DNMBP: variants seen among roughly 807,000 people sequenced by gnomAD.
DNMBP encodes dynamin-binding protein.
In DNMBP, 87 loss-of-function variants were observed where a neutral mutation model predicts 150.0. The ratio of observed to expected loss-of-function variants is 0.58; its 90% CI spans 0.49 to 0.69. The LOEUF (loss-of-function observed/expected upper bound fraction) is 0.69, where lower values mean the gene tolerates loss of function less well. DNMBP is among the 30% of genes least tolerant of loss of function. The pLI is 0.00. For synonymous variants in DNMBP, 711 were observed against 750.4 expected, an observed-to-expected ratio of 0.95 and a Z score of 0.86; for missense variants, 1,774 against 1,949.0, an observed-to-expected ratio of 0.91 and a Z score of 1.69.
At chr10:99,961,590 C>T (rs554862060) in intron 3 of DNMBP, among the ~76,000 whole-genome samples, 12 of 151,508 alleles carry the variant, frequency 7.9e-5, no homozygotes, top group Non-Finnish European at 1.5e-4. Flanking sequence ...CTCTATGCTA[C>T]GACCCTGGTC....
chr10:99,998,332 C>A (rs1363053067), intron 1 of DNMBP, among the ~76,000 whole-genome samples: 1 of 151,752 alleles, frequency 6.6e-6, no homozygotes, highest in Non-Finnish European at 1.5e-5. Flanking sequence ...AATCCCAACA[C>A]TTTGGGAGGC....
At chr10:99,975,497 T>C (rs72840123) in intron 1 of DNMBP, among the ~76,000 whole-genome samples, 2 of 152,176 alleles carry the variant, frequency 1.3e-5, no homozygotes, top group Non-Finnish European at 2.9e-5. Flanking sequence ...ACCTATTTAA[T>C]TTGTACTGTC....
At chr10:99,965,459 G>A (rs1380502691) in intron 3 of DNMBP, among the ~76,000 whole-genome samples, 1 of 151,430 alleles carries the variant, frequency 6.6e-6, no homozygotes, top group Non-Finnish European at 1.5e-5. Context: ...AAAGGCACGT[G>A]GTAAAACACA....
intron 1 of DNMBP, among the ~76,000 whole-genome samples, chr10:99,997,891 G>GCAC (rs2040965427): frequency 8.1e-6 from 1 of 123,662 alleles, no homozygotes; most frequent in Non-Finnish European, 1.6e-5. Flanking sequence ...TCACGCCACT[G>GCAC]CACTCTAGCC....
At chr10:99,918,079 T>C (rs2039986279) in intron 4 of DNMBP, among the ~76,000 whole-genome samples, 1 of 151,924 alleles carries the variant, frequency 6.6e-6, no homozygotes, top group African/African-American at 2.4e-5. Flanking sequence ...AGAAGCAGTC[T>C]TTCTGCAGCA....
chr10:99,880,464 A>T, intron 15 of DNMBP, 103 bp from the exon 16 acceptor site: 1 of 1,391,718 alleles, frequency 7.2e-7, no homozygotes, highest in Non-Finnish European at 9.4e-7. Flanking sequence ...ATTCATCTGT[A>T]AAATGAAGAG....
At chr10:99,904,130 C>T (rs2039787297) in intron 6 of DNMBP, among the ~76,000 whole-genome samples, 1 of 152,008 alleles carries the variant, frequency 6.6e-6, no homozygotes, top group Non-Finnish European at 1.5e-5. Context: ...TGGTACGCAT[C>T]TGTAGTCCCA....
At chr10:99,938,762 T>A (rs75835964) in intron 4 of DNMBP, among the ~76,000 whole-genome samples, 8,042 of 152,264 alleles carry the variant, frequency 0.053, 242 homozygotes, top group African/African-American at 0.083. Context: ...GAGTAATAAA[T>A]CTGTGTACAG....
chr10:99,992,754 A>C (rs960052356), intron 1 of DNMBP, among the ~76,000 whole-genome samples: 8 of 152,008 alleles, frequency 5.3e-5, no homozygotes, highest in Non-Finnish European at 1.2e-4. Flanking sequence ...TCTCGATCTC[A>C]TGACCTCGTG....
intron 15 of DNMBP, among the ~76,000 whole-genome samples, chr10:99,881,285 A>G (rs1451637600): frequency 6.6e-6 from 1 of 152,046 alleles, no homozygotes; most frequent in African/African-American, 2.4e-5. Flanking sequence ...CCTCTTTCCC[A>G]CCAGGACACG....
rs757855670 is a variant in DNMBP at position 99,909,139 on chromosome 10, C to T, written c.2268G>A (p.Thr756=). 11 of 1,612,514 alleles carry T rather than the reference C, an allele frequency of 6.8e-6. No individual in the cohort carries two copies. Among genetic ancestry groups the T allele is most frequent in the African/African-American group, 4.0e-5 (3 of 74,788 alleles). Residue 756 remains threonine, a synonymous_variant, in exon 5 of 17, where the codon ACG becomes ACA. Coordinates refer to ENST00000324109, the MANE Select transcript of DNMBP (RefSeq NM_015221.4). ...NMELQQLREM[T]LLSSQSSSLV... ...GTGATGAAGACTGGGAGGAGAGGAG[C>T]GTCATTTCTAGAAGGGAAAAGAGAA...
chr10:100,009,704 C>G (rs1312087689), intron 1 of DNMBP, 134 bp downstream of exon 1: 1 of 151,460 alleles, frequency 6.6e-6, no homozygotes, highest in Non-Finnish European at 1.5e-5. Flanking sequence ...GGGAAAGGGC[C>G]GATACAGGCC....
intron 11 of DNMBP, among the ~76,000 whole-genome samples, chr10:99,894,687 G>C (rs1260719466): frequency 6.6e-6 from 1 of 152,168 alleles, no homozygotes; most frequent in African/African-American, 2.4e-5. Flanking sequence ...GAAAAATAAG[G>C]TGTGTGTGGG....
At chr10:99,929,888 C>T in intron 4 of DNMBP, 1 of 702,960 alleles carries the variant, frequency 1.4e-6, no homozygotes, top group Admixed American at 2.0e-5. Context: ...ACTCCAAATT[C>T]TCCATTTGAT....
chr10:99,951,857 G>C (rs1184475251), intron 4 of DNMBP, among the ~76,000 whole-genome samples: 1 of 152,194 alleles, frequency 6.6e-6, no homozygotes, highest in East Asian at 1.9e-4. Flanking sequence ...TTAAGACTTT[G>C]GGGGACTGTT....
chr10:99,880,161 G>C lies in DNMBP; in HGVS notation c.4198C>G (p.Gln1400Glu). 1 of 1,614,160 alleles carries C rather than the reference G, an allele frequency of 6.2e-7. No homozygotes were observed. The highest frequency in any genetic ancestry group is 8.5e-7 in the Non-Finnish European group (1 of 1,180,032). Residue 1400 changes from glutamine (Q) to glutamate (E), a missense_variant, in exon 16 of 17, where the codon CAG (glutamine) becomes GAG (glutamate). This residue lies in a region of DNMBP where 1,430 missense variants were observed against 1,492.5 expected (regional missense o/e 0.96). Coordinates refer to ENST00000324109, the MANE Select transcript of DNMBP (RefSeq NM_015221.4). ...GGAGATGCATCTTGAGGCTGCTTCT[G>C]GCAAGACCCCGAGGTAAAGGATACA... Reference protein sequence around the residue: ...MAVSFTSGSCQKQPQDASPPP... With the variant: ...MAVSFTSGSCEKQPQDASPPP...
chr10:100,009,875 G>A lies in DNMBP; in HGVS notation c.-48C>T, dbSNP rs1402091132. On this transcript the variant is annotated 5_prime_UTR_variant, in exon 1 of 17. Transcript: ENST00000324109. ...GCCCGGCGGTCCCTCGGCGCGGCAG[G>A]CAGTTGCAGCCGCCAGTCCCCAGCC... 4 of 148,414 alleles carry A rather than the reference G, an allele frequency of 2.7e-5. No individual in the cohort carries two copies. Among genetic ancestry groups the A allele is most frequent in the Admixed American group, 2.0e-4 (3 of 14,964 alleles). The allele number at this position is 148,414 out of a possible 1,614,324, so 9.2% of individuals were successfully genotyped here.
intron 4 of DNMBP, among the ~76,000 whole-genome samples, chr10:99,954,252 G>A (rs2040457031): frequency 6.6e-6 from 1 of 151,850 alleles, no homozygotes; most frequent in Admixed American, 6.6e-5. Flanking sequence ...TGCCCAGGCT[G>A]GTCTCAAACT....
chr10:100,002,397 A>C (rs2041024316), intron 1 of DNMBP, among the ~76,000 whole-genome samples: 1 of 152,224 alleles, frequency 6.6e-6, no homozygotes, highest in African/African-American at 2.4e-5. Flanking sequence ...TAGTGCTGCT[A>C]AACAGCTATC....
Sources: gnomAD v4.1 joint callset for allele counts (sites outside exome capture counted in the v4.1 genomes callset) on GRCh38, gnomAD v4.1.1 for gene constraint, gnomAD v4.1.1 regional missense constraint, MANE v1.5 for transcripts, NCBI Gene and HGNC (gene_info 2026-07-23, HGNC 2026-07-21) for gene names.